MCTP1: variants seen among roughly 807,000 people sequenced by gnomAD.
MCTP1 encodes the protein multiple C2 and transmembrane domain-containing protein 1.
In MCTP1, 69 loss-of-function variants were observed where a neutral mutation model predicts 120.6. The observed-to-expected ratio is 0.57, with a 90% CI of 0.47 to 0.70. The LOEUF is 0.70. Ranked by LOEUF, MCTP1 falls within the 30% of genes least tolerant of loss-of-function variation. The pLI is 0.00. For synonymous variants in MCTP1, 529 were observed against 493.1 expected, an observed-to-expected ratio of 1.07 and a Z score of -0.96; for missense variants, 1,203 against 1,248.8, an observed-to-expected ratio of 0.96 and a Z score of 0.55.
At chr5:94,802,582 C>T (rs1276765520) in intron 17 of MCTP1, among the ~76,000 whole-genome samples, 3 of 152,046 alleles carry the variant, frequency 2.0e-5, no homozygotes, top group African/African-American at 7.2e-5. Flanking sequence ...AAAGGTCTGG[C>T]CTTTAGTGTC....
intron 1 of MCTP1, among the ~76,000 whole-genome samples, chr5:95,054,122 T>C (rs893117249): frequency 2.6e-5 from 4 of 152,220 alleles, no homozygotes; most frequent in Non-Finnish European, 5.9e-5. Flanking sequence ...TGTTTAAAGC[T>C]TGAAGTGATC....
At chr5:94,863,423 G>T (rs1488269754) in intron 17 of MCTP1, among the ~76,000 whole-genome samples, 1 of 151,736 alleles carries the variant, frequency 6.6e-6, no homozygotes, top group African/African-American at 2.4e-5. Flanking sequence ...CATTGCTGTG[G>T]TAGTACTATT....
chr5:94,864,955 AT>A (rs1481833505), intron 17 of MCTP1, among the ~76,000 whole-genome samples: 1 of 151,952 alleles, frequency 6.6e-6, no homozygotes, highest in African/African-American at 2.4e-5. Context: ...TTTATGAGAC[AT>A]TTCCATGTCT....
At chr5:94,844,883 T>C (rs1791972213) in intron 17 of MCTP1, among the ~76,000 whole-genome samples, 1 of 152,184 alleles carries the variant, frequency 6.6e-6, no homozygotes, top group Admixed American at 6.6e-5. Flanking sequence ...TCCAATTTGC[T>C]ATACATTCTT....
intron 1 of MCTP1, among the ~76,000 whole-genome samples, chr5:95,076,283 T>C (rs6865589): frequency 0.83 from 125,838 of 152,002 alleles, 54,296 homozygotes; most frequent in Non-Finnish European, 0.96. Flanking sequence ...GATAAAGGGG[T>C]AATGACTACT....
At chr5:95,014,886 TAATTTTATGA>T (rs1836777746) in intron 2 of MCTP1, among the ~76,000 whole-genome samples, 1 of 152,122 alleles carries the variant, frequency 6.6e-6, no homozygotes, top group Admixed American at 6.6e-5. Context: ...CATTGTTGTG[TAATTTTATGA>T]AATTGCCACA....
At chr5:95,133,257 G>A (rs1759183939) in intron 1 of MCTP1, among the ~76,000 whole-genome samples, 2 of 152,118 alleles carry the variant, frequency 1.3e-5, no homozygotes, top group Admixed American at 1.3e-4. Context: ...TTGAAACCAT[G>A]GATAGCACTG....
At chr5:95,085,404 A>AT (rs33917216) in intron 1 of MCTP1, among the ~76,000 whole-genome samples, 85,854 of 144,624 alleles carry the variant, frequency 0.59, 25,858 homozygotes, top group Admixed American at 0.71. Flanking sequence ...GATCCTTTAA[A>AT]TTTTTTTTTT....
chr5:94,790,615 G>A (rs1215272552), intron 18 of MCTP1, among the ~76,000 whole-genome samples: 87 of 152,210 alleles, frequency 5.7e-4, no homozygotes, highest in Non-Finnish European at 4.4e-5. Flanking sequence ...AACTCATGTC[G>A]GGCCTTAAAA....
At chr5:95,034,661 T>C (rs771846530) in intron 1 of MCTP1, among the ~76,000 whole-genome samples, 85 of 151,978 alleles carry the variant, frequency 5.6e-4, no homozygotes, top group Admixed American at 6.6e-5. Context: ...GATATTGACT[T>C]ATGCAAATAA....
chr5:95,215,986 A>G (rs1454847819), intron 1 of MCTP1, among the ~76,000 whole-genome samples: 1 of 152,230 alleles, frequency 6.6e-6, no homozygotes, highest in African/African-American at 2.4e-5. Context: ...AAACAATTCA[A>G]TATTTGCTTA....
intron 2 of MCTP1, among the ~76,000 whole-genome samples, chr5:94,980,066 ATAAGAAT>A (rs1829062607): frequency 1.3e-5 from 2 of 152,188 alleles, no homozygotes; most frequent in South Asian, 4.1e-4. Context: ...ATGATGCTTT[ATAAGAAT>A]TAGTACTAAA....
chr5:94,954,103 C>CGT lies in MCTP1; in HGVS notation c.839-743_839-742insAC, dbSNP rs1554151163. On this transcript the variant is annotated intron_variant, in intron 2 of 22. Transcript: ENST00000515393. ...ACAAATATATATGTGCATATATATACATATATATGAATATATATACAAATA... is the reference window on the plus strand; with the variant it reads ...ACAAATATATATGTGCATATATATACGTATATATATGAATATATATACAAATA... 2.6e-3 allele frequency among the ~76,000 whole-genome samples: 111 copies of CGT among 43,284 alleles called. 9 individuals are homozygous for CGT. The highest frequency in any genetic ancestry group is 3.6e-3 in the Non-Finnish European group (84 of 23,354). The allele number at this position is 43,284 out of a possible 152,430, so 28.4% of individuals were successfully genotyped here. A position where few individuals can be genotyped will look rare whatever the true frequency, so the allele number is the denominator to read the frequency against.
intron 1 of MCTP1, among the ~76,000 whole-genome samples, chr5:95,093,892 C>A (rs1186166329): frequency 1.3e-5 from 2 of 152,196 alleles, no homozygotes; most frequent in African/African-American, 2.4e-5. Flanking sequence ...GAGAATCCAG[C>A]TGCCATACCA....
chr5:95,180,166 T>C (rs1218211047), intron 1 of MCTP1, among the ~76,000 whole-genome samples: 1 of 152,130 alleles, frequency 6.6e-6, no homozygotes, highest in African/African-American at 2.4e-5. Flanking sequence ...CTACTAGACC[T>C]ACCAAATGAA....
At chr5:94,906,054 C>G (rs1462635897) in intron 10 of MCTP1, among the ~76,000 whole-genome samples, 1 of 152,184 alleles carries the variant, frequency 6.6e-6, no homozygotes, top group Non-Finnish European at 1.5e-5. Flanking sequence ...AAATCCAGTA[C>G]TGCTGCTGGG....
Position 95,030,046 on chromosome 5 carries a change from G to A in MCTP1, c.721-12562C>T, listed in dbSNP as rs1267507349. 2.0e-5 allele frequency among the ~76,000 whole-genome samples: 3 copies of A among 152,202 alleles called. No individual in the cohort carries two copies. The East Asian group carries it at 5.8e-4, about 29-fold the overall frequency. On this transcript the variant is annotated intron_variant, in intron 1 of 22. Coordinates refer to ENST00000515393, the MANE Select transcript of MCTP1 (RefSeq NM_024717.7). The stretch of plus-strand genomic sequence containing the variant: ...AGTTGCCTGATCTGGCCGGGGAAGA[G>A]GTTCTCGCCTGAGCCCATTTTGGTG...
At chr5:94,824,765 G>A (rs1229446509) in intron 17 of MCTP1, among the ~76,000 whole-genome samples, 1 of 152,094 alleles carries the variant, frequency 6.6e-6, no homozygotes, top group African/African-American at 2.4e-5. Context: ...TTTAGTCTTG[G>A]GAGGGTGTAT....
chr5:94,840,105 C>T (rs1020494970), intron 17 of MCTP1, among the ~76,000 whole-genome samples: 11 of 152,088 alleles, frequency 7.2e-5, no homozygotes, highest in Admixed American at 4.6e-4. Flanking sequence ...CTGGAATCAC[C>T]GTCAATGAAT....
Sources: gnomAD v4.1 joint callset for allele counts (sites outside exome capture counted in the v4.1 genomes callset) on GRCh38, gnomAD v4.1.1 for gene constraint, MANE v1.5 for transcripts, NCBI Gene and HGNC (gene_info 2026-07-23, HGNC 2026-07-21) for gene names.